ASIC2: variants seen among roughly 807,000 people sequenced by gnomAD.
The protein encoded by ASIC2 is acid-sensing ion channel 2.
ASIC2 carries 25 observed loss-of-function variants against 57.3 expected under a neutral mutation model. That is an observed-to-expected ratio of 0.44 (90% confidence interval 0.32 to 0.61). The LOEUF is 0.61. ASIC2 is among the 20% of genes least tolerant of loss of function. The pLI is 0.06. For missense variants in ASIC2, 641 were observed against 738.1 expected (o/e 0.87, Z 1.52); for synonymous variants, 319 against 307.5 (o/e 1.04, Z -0.39).
chr17:33,851,175 G>A (rs1166458344), intron 1 of ASIC2, among the ~76,000 whole-genome samples: 1 of 152,220 alleles, frequency 6.6e-6, no homozygotes. Flanking sequence ...ACTGCCTCCT[G>A]TCGGAAGGAA....
chr17:33,593,233 C>A (rs1205737756), intron 1 of ASIC2, among the ~76,000 whole-genome samples: 1 of 152,180 alleles, frequency 6.6e-6, no homozygotes, highest in Non-Finnish European at 1.5e-5. Flanking sequence ...CTGTGATGTC[C>A]ATGGAACATC....
intron 1 of ASIC2, among the ~76,000 whole-genome samples, chr17:33,473,177 G>C (rs1913110288): frequency 6.6e-6 from 1 of 152,248 alleles, no homozygotes; most frequent in Non-Finnish European, 1.5e-5. Context: ...TCTAGCCAAG[G>C]AGGCCCTGGG....
chr17:33,380,793 TC>T (rs1379723642), intron 1 of ASIC2, among the ~76,000 whole-genome samples: 1 of 152,224 alleles, frequency 6.6e-6, no homozygotes, highest in Non-Finnish European at 1.5e-5. Flanking sequence ...CTCAAGTGCC[TC>T]ATAATTGCTG....
chr17:33,823,933 C>T (rs866424740), intron 1 of ASIC2, among the ~76,000 whole-genome samples: 35 of 152,178 alleles, frequency 2.3e-4, no homozygotes, highest in Admixed American at 9.2e-4. Context: ...TTCTTCTCCA[C>T]GTCTGGCTTC....
intron 7 of ASIC2, among the ~76,000 whole-genome samples, chr17:33,019,022 T>A (rs2091822591): frequency 6.6e-6 from 1 of 152,198 alleles, no homozygotes. Context: ...AACGCGGTGC[T>A]GGCCTCAAAC....
chr17:33,072,163 T>C (rs2092071855), intron 3 of ASIC2, among the ~76,000 whole-genome samples: 1 of 152,020 alleles, frequency 6.6e-6, no homozygotes, highest in Non-Finnish European at 1.5e-5. Flanking sequence ...TCAACCTGGG[T>C]CCCCCTCCCT....
intron 1 of ASIC2, among the ~76,000 whole-genome samples, chr17:33,533,235 A>G (rs1162628033): frequency 1.3e-5 from 2 of 152,114 alleles, no homozygotes; most frequent in East Asian, 3.9e-4. Context: ...AATCCCAGCT[A>G]CTAGGGAGGC....
intron 1 of ASIC2, among the ~76,000 whole-genome samples, chr17:33,857,827 G>T (rs1300820729): frequency 6.6e-6 from 1 of 152,190 alleles, no homozygotes; most frequent in East Asian, 1.9e-4. Flanking sequence ...TGGAAGAAAA[G>T]TAACTAATTC....
chr17:33,997,106 G>A (rs1232037517), intron 1 of ASIC2, among the ~76,000 whole-genome samples: 1 of 151,758 alleles, frequency 6.6e-6, no homozygotes, highest in East Asian at 1.9e-4. Context: ...TTATGCTATT[G>A]TAAATGGTAT....
chr17:33,980,771 A>T (rs923455514), intron 1 of ASIC2: 1 of 152,184 alleles, frequency 6.6e-6, no homozygotes, highest in African/African-American at 2.4e-5. Context: ...TGATTGATCC[A>T]TGGAAAGACA....
At chr17:34,132,661 T>C (rs572616007) in intron 1 of ASIC2, among the ~76,000 whole-genome samples, 1 of 150,222 alleles carries the variant, frequency 6.7e-6, no homozygotes, top group South Asian at 2.1e-4. Context: ...ACAATCCTCT[T>C]GTAAGACAGA....
At chr17:33,357,306 T>C (rs1361104591) in intron 1 of ASIC2, among the ~76,000 whole-genome samples, 2 of 152,108 alleles carry the variant, frequency 1.3e-5, no homozygotes, top group Non-Finnish European at 2.9e-5. Context: ...GGACAGGTGT[T>C]ATTCCTATTT....
chr17:33,422,540 C>T (rs370654660), intron 1 of ASIC2, among the ~76,000 whole-genome samples: 7 of 152,158 alleles, frequency 4.6e-5, no homozygotes, highest in African/African-American at 1.4e-4. Flanking sequence ...GTTGACAGTC[C>T]TGCCCATGGC....
chr17:33,114,828 T>C (rs1364920962), intron 1 of ASIC2, among the ~76,000 whole-genome samples: 1 of 152,232 alleles, frequency 6.6e-6, no homozygotes, highest in Non-Finnish European at 1.5e-5. Context: ...AGCAAGAAAG[T>C]GTCCAACTGG....
At chr17:33,116,057 C>T (rs1387123789) in intron 1 of ASIC2, among the ~76,000 whole-genome samples, 1 of 152,168 alleles carries the variant, frequency 6.6e-6, no homozygotes. Flanking sequence ...GCTTGCATCT[C>T]CATGAAGGCA....
intron 1 of ASIC2, among the ~76,000 whole-genome samples, chr17:33,603,023 C>A (rs1905146422): frequency 6.6e-6 from 1 of 152,206 alleles, no homozygotes. Flanking sequence ...TGAACATTTT[C>A]AAAATCCCAT....
chr17:34,012,787 G>A (rs956523005), intron 1 of ASIC2, among the ~76,000 whole-genome samples: 1 of 151,850 alleles, frequency 6.6e-6, no homozygotes, highest in African/African-American at 2.4e-5. Flanking sequence ...TTGAATAAAT[G>A]AATGAATGAA....
At chr17:34,033,932 A>G (rs1907742408) in intron 1 of ASIC2, among the ~76,000 whole-genome samples, 1 of 152,238 alleles carries the variant, frequency 6.6e-6, no homozygotes, top group Non-Finnish European at 1.5e-5. Flanking sequence ...TACCAGAGGT[A>G]CAAAGAGGAG....
intron 3 of ASIC2, among the ~76,000 whole-genome samples, chr17:33,081,072 TA>T (rs1464982699): frequency 6.6e-6 from 1 of 152,204 alleles, no homozygotes; most frequent in East Asian, 1.9e-4. Flanking sequence ...TATCTCCTCC[TA>T]AGACTGGAGT....
Sources: allele counts gnomAD v4.1 joint callset (sites outside exome capture counted in the v4.1 genomes callset), GRCh38; gene constraint gnomAD v4.1.1; transcripts MANE v1.5; gene names NCBI Gene and HGNC (gene_info 2026-07-23, HGNC 2026-07-21).